The following GRID2 variants were observed in gnomAD, a reference collection of about 807,000 sequenced individuals.
GRID2 encodes glutamate ionotropic receptor delta type subunit 2, also known as glutamate receptor ionotropic, delta-2.
A neutral mutation model predicts 114.8 loss-of-function variants in GRID2; 33 were observed. That is an observed-to-expected ratio of 0.29 (90% CI 0.22 to 0.38). The LOEUF (loss-of-function observed/expected upper bound fraction) is 0.38, where lower values mean the gene tolerates loss of function less well. GRID2 is among the 10% of genes least tolerant of loss of function. The pLI is 1.00. For synonymous variants in GRID2, 505 were observed against 449.9 expected (o/e 1.12, Z -1.55); for missense variants, 1,184 against 1,257.7 (o/e 0.94, Z 0.89).
At chr4:93,744,293 G>T (rs559072311) in intron 14 of GRID2, among the ~76,000 whole-genome samples, 1 of 152,220 alleles carries the variant, frequency 6.6e-6, no homozygotes, top group African/African-American at 2.4e-5. Context: ...ATACATTTTG[G>T]CTGTAGCTAC....
intron 2 of GRID2, among the ~76,000 whole-genome samples, chr4:93,021,068 A>C (rs1019308812): frequency 1.3e-5 from 2 of 151,846 alleles, no homozygotes; most frequent in African/African-American, 4.8e-5. Flanking sequence ...TATTTTAAAA[A>C]TCAGTAATTA....
intron 2 of GRID2, among the ~76,000 whole-genome samples, chr4:92,760,841 T>C (rs2149345140): frequency 6.6e-6 from 1 of 152,336 alleles, no homozygotes; most frequent in East Asian, 1.9e-4. Context: ...TTTAAAAATA[T>C]ACAGATAGCT....
At chr4:93,269,534 A>G (rs1161130425) in intron 8 of GRID2, among the ~76,000 whole-genome samples, 1 of 152,210 alleles carries the variant, frequency 6.6e-6, no homozygotes, top group Non-Finnish European at 1.5e-5. Context: ...CTGAGTGGCA[A>G]CTGAAAATCT....
In GRID2 at chr4:93,424,768, T is replaced by G. The variant is rs867314335; in HGVS notation, c.1545+1800T>G. Reference sequence around the variant, plus strand: ...TTCAATTTTTTTTACCTTCTTTCCTTTCTCTTCTTGATTTGAGGCTCAGAG... The same window carrying G: ...TTCAATTTTTTTTACCTTCTTTCCTGTCTCTTCTTGATTTGAGGCTCAGAG... On this transcript the variant is annotated intron_variant, in intron 10 of 15. Transcript: ENST00000282020. 3.9e-5 allele frequency among the ~76,000 whole-genome samples: 6 copies of G among 152,248 alleles called. No individual in the cohort carries two copies. In the South Asian group the frequency reaches 6.2e-4, roughly 16 times the overall value.
chr4:93,755,918 T>C (rs775886524), intron 14 of GRID2, among the ~76,000 whole-genome samples: 1 of 152,174 alleles, frequency 6.6e-6, no homozygotes, highest in East Asian at 1.9e-4. Flanking sequence ...TATTAACTTA[T>C]TATGTTCACA....
intron 11 of GRID2, among the ~76,000 whole-genome samples, chr4:93,462,461 A>C (rs1723837083): frequency 6.6e-6 from 1 of 152,158 alleles, no homozygotes; most frequent in Non-Finnish European, 1.5e-5. Flanking sequence ...AAATACTGAA[A>C]ATAATTTGAT....
intron 13 of GRID2, among the ~76,000 whole-genome samples, chr4:93,594,235 G>T (rs1449732466): frequency 6.6e-6 from 1 of 151,958 alleles, no homozygotes; most frequent in Non-Finnish European, 1.5e-5. Flanking sequence ...GGTTTTTGGT[G>T]TGGATGTCCT....
chr4:93,452,177 A>G (rs1393656839), intron 10 of GRID2, among the ~76,000 whole-genome samples: 2 of 152,176 alleles, frequency 1.3e-5, no homozygotes, highest in African/African-American at 4.8e-5. Flanking sequence ...AAAGAGGTGT[A>G]TGTTATGTCA....
At chr4:93,033,328 G>A (rs1724610497) in intron 2 of GRID2, among the ~76,000 whole-genome samples, 1 of 152,064 alleles carries the variant, frequency 6.6e-6, no homozygotes, top group Admixed American at 6.6e-5. Context: ...AAATGATATG[G>A]ATTAAAAACC....
At chr4:93,335,363 A>T (rs1758942245) in intron 8 of GRID2, among the ~76,000 whole-genome samples, 1 of 152,178 alleles carries the variant, frequency 6.6e-6, no homozygotes, top group African/African-American at 2.4e-5. Flanking sequence ...GTGGGAAGAA[A>T]GAGTTAAACA....
At chr4:93,257,644 T>C (rs1424941061) in intron 8 of GRID2, among the ~76,000 whole-genome samples, 1 of 151,606 alleles carries the variant, frequency 6.6e-6, no homozygotes. Flanking sequence ...AAATAAAATA[T>C]TCCAATGCAT....
intron 1 of GRID2, among the ~76,000 whole-genome samples, chr4:92,465,241 T>A (rs1001141049): frequency 6.6e-6 from 1 of 150,742 alleles, no homozygotes; most frequent in Non-Finnish European, 1.5e-5. Flanking sequence ...AAAAGATAAC[T>A]AGGAATATCT....
rs116823310 is a variant in GRID2 at position 92,980,979 on chromosome 4, A to G, written c.245-104016A>G. ...AGGGCAGTCATATCTTCATTCTTAT[A>G]TTAAAGCTGAATTTCAGAAAAGCCA... On this transcript the variant is annotated intron_variant, in intron 2 of 15. Transcript: ENST00000282020. Among the ~76,000 whole-genome samples, 1,248 of 152,198 alleles carry G rather than the reference A, an allele frequency of 8.2e-3. 19 individuals are homozygous for G. Among genetic ancestry groups the G allele is most frequent in the African/African-American group, 0.029 (1,193 of 41,552 alleles).
intron 8 of GRID2, among the ~76,000 whole-genome samples, chr4:93,303,128 C>A (rs755888849): frequency 1.6e-4 from 24 of 152,062 alleles, no homozygotes; most frequent in Non-Finnish European, 2.6e-4. Flanking sequence ...TTTAAACAAC[C>A]AGATCTTGTG....
rs138062918 is a variant in GRID2, at chr4:93,785,534, C to A, written c.221+16084C>A. ...GTTCCAGGGACTGAAAGAAGTCAAG[C>A]TGATAAAAGGAAAATATCAAGAAAA... is the stretch of plus-strand genomic sequence containing the variant. On this transcript the variant is annotated intron_variant, in intron 1 of 1. Transcript: ENST00000637838. Among the ~76,000 whole-genome samples the A allele has an allele frequency of 1.9e-3, 292 of 152,210 alleles. 3 individuals carry two copies. The highest frequency in any genetic ancestry group is 6.7e-3 in the African/African-American group (280 of 41,526).
At chr4:93,669,820 C>A (rs1279293753) in intron 14 of GRID2, among the ~76,000 whole-genome samples, 1 of 152,084 alleles carries the variant, frequency 6.6e-6, no homozygotes, top group Non-Finnish European at 1.5e-5. Flanking sequence ...GGGCTCCAAC[C>A]CACCCTGCAC....
intron 1 of GRID2, among the ~76,000 whole-genome samples, chr4:92,461,333 A>G (rs2149088007): frequency 6.6e-6 from 1 of 152,030 alleles, no homozygotes; most frequent in East Asian, 1.9e-4. Context: ...TTTGCTCAAC[A>G]TCATTTTCTT....
intron 2 of GRID2, among the ~76,000 whole-genome samples, chr4:92,734,875 G>C (rs141598086): frequency 1.4e-3 from 217 of 150,480 alleles, no homozygotes; most frequent in African/African-American, 5.0e-3. Flanking sequence ...TCCTCCCAAG[G>C]GTCATGTGAC....
At chr4:92,661,490 G>A (rs1732517915) in intron 2 of GRID2, among the ~76,000 whole-genome samples, 1 of 150,764 alleles carries the variant, frequency 6.6e-6, no homozygotes, top group Admixed American at 6.6e-5. Flanking sequence ...TTGGGTTTCG[G>A]GGTGAGAATG....
Sources: allele counts gnomAD v4.1 joint callset (sites outside exome capture counted in the v4.1 genomes callset), GRCh38; gene constraint gnomAD v4.1.1; transcripts MANE v1.5; gene names NCBI Gene and HGNC (gene_info 2026-07-23, HGNC 2026-07-21).